LRRC3C: variants seen among roughly 807,000 people sequenced by gnomAD.
LRRC3C encodes leucine rich repeat containing 3C, also known as leucine-rich repeat-containing protein 3C.
In LRRC3C, 11 loss-of-function variants were observed where a neutral mutation model predicts 14.8. The ratio of observed to expected loss-of-function variants is 0.74; its 90% CI spans 0.47 to 1.23. The LOEUF (loss-of-function observed/expected upper bound fraction) is 1.23. Ranked by LOEUF, LRRC3C falls within the 50% of genes most tolerant of loss-of-function variation. LRRC3C has a pLI of 0.00. For missense variants in LRRC3C, 354 were observed against 361.8 expected, an observed-to-expected ratio of 0.98 and a Z score of 0.18; for synonymous variants, 149 against 161.5, an observed-to-expected ratio of 0.92 and a Z score of 0.59.
At chr17:39,937,762 C>A (rs1183443921) in intron 2 of LRRC3C, among the ~76,000 whole-genome samples, 1 of 152,198 alleles carries the variant, frequency 6.6e-6, no homozygotes, top group Admixed American at 6.5e-5. Context: ...ATGCTCTCAG[C>A]AGAAATCAAC....
rs565766057 is a variant in LRRC3C at position 39,943,819 on chromosome 17, A to T, written c.27-114A>T. On this transcript the variant is annotated intron_variant, in intron 3 of 3. Transcript: ENST00000377924. The stretch of plus-strand genomic sequence containing the variant: ...CCAGGCTTGAGAGAAGCCCCCAGAG[A>T]AGAGGCCCCAGCCCAAAAAGACTCC... 1.6e-4 allele frequency: 149 copies of T among 950,536 alleles called. No individual in the cohort carries two copies. In the African/African-American group the frequency reaches 1.6e-3, roughly 10 times the overall value. The allele number at this position is 950,536 out of a possible 1,614,324, so 58.9% of individuals were successfully genotyped here.
chr17:39,931,013 G>C (rs1978635921), intron 1 of LRRC3C, among the ~76,000 whole-genome samples: 1 of 151,282 alleles, frequency 6.6e-6, no homozygotes, highest in South Asian at 2.1e-4. Flanking sequence ...GTGGTGACAG[G>C]CGCCTATAAT....
At chr17:39,940,935 T>C (rs1034074249) in intron 2 of LRRC3C, among the ~76,000 whole-genome samples, 2 of 151,962 alleles carry the variant, frequency 1.3e-5, no homozygotes, top group Non-Finnish European at 2.9e-5. Flanking sequence ...GTAGAGATGG[T>C]GTTTCGCCAC....
At chr17:39,942,811 G>A (rs1364621496) in intron 3 of LRRC3C, among the ~76,000 whole-genome samples, 1 of 152,196 alleles carries the variant, frequency 6.6e-6, no homozygotes, top group Admixed American at 6.5e-5. Flanking sequence ...AAGGGAGTAG[G>A]GAGAGGAATG....
chr17:39,943,968 C>A lies in LRRC3C; in HGVS notation c.62C>A (p.Ala21Asp), dbSNP rs891887158. 55 of 1,535,994 alleles carry A rather than the reference C, an allele frequency of 3.6e-5. 2 individuals are homozygous for A. In the Admixed American group the frequency reaches 1.1e-3, roughly 30 times the overall value. The change falls in exon 4 of 4, where the codon GCC (alanine) becomes GAC (aspartate). Residue 21 changes from alanine (A) to aspartate (D), a missense_variant. Physicochemically the swap from Ala to Asp is moderately radical, Grantham distance 126. Coordinates refer to ENST00000377924, the MANE Select transcript of LRRC3C (RefSeq NM_001195545.2). ...ACTCCAGGACTATGCCAATTTATGG[C>A]CATGCTCCCAACAGCAGGTCACCTC... is the stretch of plus-strand genomic sequence containing the variant. ...YCTPGLCQFM[A>D]MLPTAGHLLP... is the part of the protein sequence containing the mutation.
At chr17:39,930,708 CAA>C (rs71300058) in intron 1 of LRRC3C, among the ~76,000 whole-genome samples, 6 of 70,640 alleles carry the variant, frequency 8.5e-5, no homozygotes, top group Non-Finnish European at 1.5e-4. Flanking sequence ...GGCTCTGTCT[CAA>C]AAAAAAAAAA....
chr17:39,937,961 G>A (rs1023865829), intron 2 of LRRC3C, among the ~76,000 whole-genome samples: 2 of 151,954 alleles, frequency 1.3e-5, no homozygotes, highest in South Asian at 2.1e-4. Flanking sequence ...GAGAAAACCC[G>A]TCTCTACTAA....
intron 1 of LRRC3C, among the ~76,000 whole-genome samples, chr17:39,935,588 G>A (rs888391536): frequency 3.3e-5 from 5 of 152,158 alleles, no homozygotes; most frequent in African/African-American, 1.2e-4. Flanking sequence ...AGGAGGTTGA[G>A]GCTGCAAGTG....
Position 39,927,759 on chromosome 17 carries a change from C to G in LRRC3C, c.-230C>G. Reference sequence around the variant, plus strand: ...GCTCCGTTCCCGGCCTCTTCGGGGACGCACGGTTGGAAGTTGTACCGTGAC... The same window carrying G: ...GCTCCGTTCCCGGCCTCTTCGGGGAGGCACGGTTGGAAGTTGTACCGTGAC... On this transcript the variant is annotated 5_prime_UTR_variant, in exon 1 of 4. Coordinates refer to ENST00000377924, the MANE Select transcript of LRRC3C (RefSeq NM_001195545.2). The G allele has an allele frequency of 1.0e-6, 1 of 985,486 alleles. No homozygotes were observed. The highest frequency in any genetic ancestry group is 1.2e-6 in the Non-Finnish European group (1 of 829,978). 61.0% of individuals were successfully genotyped at this position (985,486 alleles called of 1,614,324 possible). A position where few individuals can be genotyped will look rare whatever the true frequency, so the allele number is the denominator to read the frequency against.
intron 2 of LRRC3C, among the ~76,000 whole-genome samples, chr17:39,939,035 AAGGT>A (rs1230406824): frequency 6.6e-6 from 1 of 151,924 alleles, no homozygotes; most frequent in Admixed American, 6.6e-5. Flanking sequence ...AAAAAAAAAA[AAGGT>A]AGGGAGAGGA....
intron 1 of LRRC3C, among the ~76,000 whole-genome samples, chr17:39,934,001 C>T (rs1264186394): frequency 4.6e-5 from 7 of 152,198 alleles, no homozygotes; most frequent in African/African-American, 1.7e-4. Context: ...AAAGGAGCAG[C>T]GAATGACCCT....
rs1979013829 is a variant in LRRC3C, at chr17:39,944,143, T to A, written c.237T>A (p.Asn79Lys). The A allele has an allele frequency of 1.3e-6, 2 of 1,536,214 alleles. No homozygotes were observed. Among genetic ancestry groups the A allele is most frequent in the Non-Finnish European group, 1.7e-6 (2 of 1,146,922 alleles). Reference protein sequence around the residue: ...GLSAVPSGIPNDTRKLYLDAN... With the variant: ...GLSAVPSGIPKDTRKLYLDAN... ...GTGCTGTGCCCTCCGGCATCCCCAATGACACCCGCAAGCTCTACCTGGATG... is the reference window on the plus strand; with the variant it reads ...GTGCTGTGCCCTCCGGCATCCCCAAAGACACCCGCAAGCTCTACCTGGATG... Residue 79 changes from asparagine to lysine, a missense_variant, in exon 4 of 4, where the codon AAT becomes AAA. Coordinates refer to ENST00000377924, the MANE Select transcript of LRRC3C (RefSeq NM_001195545.2).
At chr17:39,941,077 T>C (rs1484845605) in intron 2 of LRRC3C, among the ~76,000 whole-genome samples, 1 of 151,076 alleles carries the variant, frequency 6.6e-6, no homozygotes. Context: ...CACCTGGGTG[T>C]GGTGGCTCAC....
At chr17:39,943,462 G>T (rs1277039172) in intron 3 of LRRC3C, among the ~76,000 whole-genome samples, 1 of 152,202 alleles carries the variant, frequency 6.6e-6, no homozygotes, top group East Asian at 1.9e-4. Context: ...ACCTGGCCTA[G>T]CTGGATGCCC....
chr17:39,938,326 G>T (rs1222559670), intron 2 of LRRC3C, among the ~76,000 whole-genome samples: 2 of 152,022 alleles, frequency 1.3e-5, no homozygotes, highest in Non-Finnish European at 2.9e-5. Flanking sequence ...CGATTTCCAG[G>T]CCAACATCTC....
intron 1 of LRRC3C, among the ~76,000 whole-genome samples, chr17:39,931,465 A>AG (rs1401618310): frequency 6.6e-6 from 1 of 151,088 alleles, no homozygotes; most frequent in East Asian, 1.9e-4. Context: ...AAAAAAAAAA[A>AG]AGTCCTCCTT....
At chr17:39,939,496 G>T in intron 2 of LRRC3C, 1 of 726,004 alleles carries the variant, frequency 1.4e-6, no homozygotes, top group Non-Finnish European at 1.7e-6. Flanking sequence ...CATGCACAGA[G>T]ATTTTAATGT....
At chr17:39,942,611 C>T (rs1242000300) in intron 3 of LRRC3C, among the ~76,000 whole-genome samples, 1 of 152,184 alleles carries the variant, frequency 6.6e-6, no homozygotes, top group African/African-American at 2.4e-5. Flanking sequence ...CAATCTACCA[C>T]GCAGAGAACA....
chr17:39,940,418 T>C (rs958851808), intron 2 of LRRC3C, among the ~76,000 whole-genome samples: 2 of 152,088 alleles, frequency 1.3e-5, no homozygotes, highest in Non-Finnish European at 2.9e-5. Flanking sequence ...TTCTTTTTTA[T>C]TTTTATTTTT....
Sources: allele counts gnomAD v4.1 joint callset (sites outside exome capture counted in the v4.1 genomes callset), GRCh38; gene constraint gnomAD v4.1.1; transcripts MANE v1.5; gene names NCBI Gene and HGNC (gene_info 2026-07-23, HGNC 2026-07-21).